Variants in GPC5 observed in about 807,000 individuals in gnomAD.
The protein encoded by GPC5 is glypican-5.
GPC5 carries 47 observed loss-of-function variants against 53.9 expected under a neutral mutation model. The observed-to-expected ratio is 0.87, with a 90% CI of 0.69 to 1.11. GPC5 has a LOEUF of 1.11. GPC5 is among the 50% of genes most tolerant of loss of function. The probability of loss-of-function intolerance (pLI) is 0.00; values close to 1 mark genes in which losing one functional copy is unlikely to be tolerated. For missense variants in GPC5, 748 were observed against 713.1 expected, an observed-to-expected ratio of 1.05 and a Z score of -0.56; for synonymous variants, 286 against 263.3, an observed-to-expected ratio of 1.09 and a Z score of -0.84.
At chr13:92,179,887 C>A (rs528309326) in intron 7 of GPC5, among the ~76,000 whole-genome samples, 2 of 152,106 alleles carry the variant, frequency 1.3e-5, no homozygotes, top group African/African-American at 4.8e-5. Flanking sequence ...GGTGAATTAA[C>A]TGAACTTTAG....
At chr13:91,599,958 G>A (rs924249412) in intron 2 of GPC5, among the ~76,000 whole-genome samples, 1 of 152,168 alleles carries the variant, frequency 6.6e-6, no homozygotes. Flanking sequence ...GCCTTGCTGT[G>A]TTACCCAGGC....
intron 6 of GPC5, among the ~76,000 whole-genome samples, chr13:92,068,925 T>C (rs2041188416): frequency 6.6e-6 from 1 of 151,872 alleles, no homozygotes; most frequent in South Asian, 2.1e-4. Flanking sequence ...GCTTGTAATT[T>C]GGTGTCATAT....
chr13:92,785,879 G>T (rs984146622), intron 7 of GPC5, among the ~76,000 whole-genome samples: 1 of 152,196 alleles, frequency 6.6e-6, no homozygotes, highest in Admixed American at 6.5e-5. Flanking sequence ...TTATGGGATT[G>T]TTGTGTGGAT....
At chr13:92,798,979 AT>A (rs1166814502) in intron 7 of GPC5, among the ~76,000 whole-genome samples, 1 of 151,840 alleles carries the variant, frequency 6.6e-6, no homozygotes, top group African/African-American at 2.4e-5. Flanking sequence ...AGTGCATGAA[AT>A]TGATCACAAA....
intron 2 of GPC5, among the ~76,000 whole-genome samples, chr13:91,502,361 G>T (rs1884686884): frequency 1.3e-5 from 2 of 151,100 alleles, no homozygotes; most frequent in African/African-American, 2.4e-5. Context: ...TTTTCTTCTA[G>T]GGTTTTTATG....
intron 2 of GPC5, among the ~76,000 whole-genome samples, chr13:91,644,899 A>G (rs1010387498): frequency 1.3e-5 from 2 of 152,258 alleles, no homozygotes; most frequent in African/African-American, 4.8e-5. Context: ...GGGAATAATA[A>G]CTTAAAGACT....
chr13:92,076,154 C>T (rs193210153), intron 6 of GPC5, among the ~76,000 whole-genome samples: 10 of 151,824 alleles, frequency 6.6e-5, no homozygotes, highest in Non-Finnish European at 1.5e-5. Context: ...CTGCAAGCTC[C>T]GCCTCCCGGG....
In GPC5 at chr13:91,794,927, G is replaced by T. The variant is rs117776547; in HGVS notation, c.1280+38507G>T. 3.3e-3 allele frequency among the ~76,000 whole-genome samples: 507 copies of T among 152,190 alleles called. 9 individuals are homozygous for T. The highest frequency in any genetic ancestry group is 0.019 in the East Asian group (96 of 5,182). ...TTAAAGGTCAGCTACTGAATACAGA[G>T]TAAATTAATTACAGAATGCATGTAA... On this transcript the variant is annotated intron_variant, in intron 5 of 7. Transcript: ENST00000377067.
intron 7 of GPC5, chr13:92,490,280 A>C (rs1158877252): frequency 6.5e-6 from 1 of 153,662 alleles, no homozygotes; most frequent in Non-Finnish European, 1.5e-5. Context: ...TCATTGTATT[A>C]TTATATCTAT....
chr13:92,788,491 T>C (rs1876341444), intron 7 of GPC5, among the ~76,000 whole-genome samples: 1 of 152,186 alleles, frequency 6.6e-6, no homozygotes, highest in South Asian at 2.1e-4. Context: ...AATCACATAT[T>C]TGAAAATGAA....
chr13:92,386,499 T>C (rs770835236), intron 7 of GPC5, among the ~76,000 whole-genome samples: 2 of 152,070 alleles, frequency 1.3e-5, no homozygotes, highest in African/African-American at 2.4e-5. Flanking sequence ...CTGTGAATGG[T>C]AACTCACAGA....
At chr13:92,514,587 C>T (rs1466935525) in intron 7 of GPC5, among the ~76,000 whole-genome samples, 1 of 152,168 alleles carries the variant, frequency 6.6e-6, no homozygotes, top group Non-Finnish European at 1.5e-5. Flanking sequence ...AAGGCAAATA[C>T]ATGCTCCAGA....
At chr13:91,908,286 C>T (rs1279763834) in intron 6 of GPC5, among the ~76,000 whole-genome samples, 1 of 151,990 alleles carries the variant, frequency 6.6e-6, no homozygotes, top group Non-Finnish European at 1.5e-5. Flanking sequence ...AAAAGCAAGC[C>T]TCAGCCTCAG....
At chr13:92,549,528 A>T (rs1488519538) in intron 7 of GPC5, among the ~76,000 whole-genome samples, 2 of 152,088 alleles carry the variant, frequency 1.3e-5, no homozygotes, top group African/African-American at 4.8e-5. Flanking sequence ...TTTAACATGT[A>T]TCTATATATT....
At chr13:92,246,199 C>T (rs9523546) in intron 7 of GPC5, among the ~76,000 whole-genome samples, 85,510 of 151,432 alleles carry the variant, frequency 0.56, 24,371 homozygotes, top group South Asian at 0.65. Flanking sequence ...CAAATTTAAA[C>T]GGCATCCTTC....
chr13:92,694,044 G>T (rs1055688095), intron 7 of GPC5, among the ~76,000 whole-genome samples: 11 of 152,184 alleles, frequency 7.2e-5, no homozygotes, highest in Non-Finnish European at 1.3e-4. Context: ...TGCAACTGGG[G>T]CTGTTGCTTC....
chr13:91,819,973 T>C lies in GPC5; in HGVS notation c.1280+63553T>C, dbSNP rs555345562. 7.9e-5 allele frequency among the ~76,000 whole-genome samples: 12 copies of C among 152,330 alleles called. No individual in the cohort carries two copies. The South Asian group carries it at 2.3e-3, about 29-fold the overall frequency. On this transcript the variant is annotated intron_variant, in intron 5 of 7. Transcript: ENST00000377067. ...TATTTTTCTTAATTTGTATTTCCCT[T>C]ATTTCTAATATTTACGGACTATTTG...
chr13:92,385,643 C>CTATATACACATATA, intron 7 of GPC5, among the ~76,000 whole-genome samples: 1 of 138,220 alleles, frequency 7.2e-6, no homozygotes, highest in South Asian at 2.3e-4. Flanking sequence ...ACATATATAC[C>CTATATACACATATA]TATATACACA....
chr13:92,326,995 C>T (rs965012998), intron 7 of GPC5, among the ~76,000 whole-genome samples: 1 of 152,080 alleles, frequency 6.6e-6, no homozygotes, highest in South Asian at 2.1e-4. Context: ...TTCATCCTGT[C>T]TCCCTATCTG....
Sources: gnomAD v4.1 joint callset for allele counts (sites outside exome capture counted in the v4.1 genomes callset) on GRCh38, gnomAD v4.1.1 for gene constraint, MANE v1.5 for transcripts, NCBI Gene and HGNC (gene_info 2026-07-23, HGNC 2026-07-21) for gene names.